DLG1: variants seen among roughly 807,000 people sequenced by gnomAD.
The protein encoded by DLG1 is disks large homolog 1.
A neutral mutation model predicts 123.4 loss-of-function variants in DLG1; 42 were observed. That is an observed-to-expected ratio of 0.34 (90% CI 0.27 to 0.44). The LOEUF (loss-of-function observed/expected upper bound fraction) is 0.44. DLG1 is among the 20% of genes least tolerant of loss of function. DLG1 has a pLI of 1.00. For synonymous variants in DLG1, 317 were observed against 356.2 expected, an observed-to-expected ratio of 0.89 and a Z score of 1.24; for missense variants, 942 against 1,082.6, an observed-to-expected ratio of 0.87 and a Z score of 1.82.
chr3:197,151,788 ATCC>A, intron 5 of DLG1, among the ~76,000 whole-genome samples: 1 of 152,156 alleles, frequency 6.6e-6, no homozygotes, highest in South Asian at 2.1e-4. Context: ...CATGCCTGTA[ATCC>A]TAGCACTGTG....
chr3:197,170,007 C>T (rs995600452), intron 5 of DLG1, among the ~76,000 whole-genome samples: 18 of 152,168 alleles, frequency 1.2e-4, no homozygotes, highest in African/African-American at 2.4e-4. Context: ...CGAGAACATG[C>T]GGTATTTGAT....
chr3:197,227,250 T>A (rs1740428073), intron 4 of DLG1, among the ~76,000 whole-genome samples: 1 of 152,088 alleles, frequency 6.6e-6, no homozygotes, highest in East Asian at 1.9e-4. Context: ...GGTGGGTGGA[T>A]CATCTGAGGG....
chr3:197,296,507 ACT>A lies in DLG1; in HGVS notation c.20-32_20-31del, dbSNP rs751423144. ...GAAGAAAAAGCAGAGCCTGATTAAA[ACT>A]CTCTATTTACAAAAAAAGTATCACA... On this transcript the variant is annotated intron_variant, in intron 2 of 24. Transcript: ENST00000667157. The A allele has an allele frequency of 1.9e-6, 3 of 1,605,082 alleles. No individual in the cohort carries two copies. In the Admixed American group the frequency reaches 5.0e-5, roughly 27 times the overall value.
intron 5 of DLG1, among the ~76,000 whole-genome samples, chr3:197,154,074 G>A (rs760717029): frequency 1.7e-4 from 26 of 151,232 alleles, no homozygotes; most frequent in Non-Finnish European, 2.8e-4. Flanking sequence ...AGGCTGAGGC[G>A]GGCAGATCAC....
intron 5 of DLG1, among the ~76,000 whole-genome samples, chr3:197,189,865 C>T (rs932553112): frequency 6.6e-6 from 1 of 152,106 alleles, no homozygotes; most frequent in African/African-American, 2.4e-5. Flanking sequence ...AAAATGCCAG[C>T]AACTGCAAGA....
At chr3:197,192,178 A>G (rs1440391389) in intron 5 of DLG1, among the ~76,000 whole-genome samples, 1 of 152,208 alleles carries the variant, frequency 6.6e-6, no homozygotes, top group Admixed American at 6.5e-5. Flanking sequence ...TCTCAGAAAA[A>G]CAAAAACAAA....
At chr3:197,191,067 T>C (rs1198579932) in intron 5 of DLG1, among the ~76,000 whole-genome samples, 1 of 151,918 alleles carries the variant, frequency 6.6e-6, no homozygotes, top group East Asian at 1.9e-4. Flanking sequence ...TAATCTTTGA[T>C]TTACACAAAA....
At chr3:197,119,817 G>C (rs1379793697) in intron 11 of DLG1, among the ~76,000 whole-genome samples, 1 of 152,144 alleles carries the variant, frequency 6.6e-6, no homozygotes, top group Non-Finnish European at 1.5e-5. Flanking sequence ...AAATTTGATT[G>C]TGAATAATAA....
chr3:197,093,597 T>G (rs1758995630), intron 14 of DLG1, among the ~76,000 whole-genome samples: 2 of 152,046 alleles, frequency 1.3e-5, no homozygotes, highest in South Asian at 4.2e-4. Context: ...TGCAGTCCTT[T>G]ATTTTTAACC....
At position 197,143,605 on chromosome 3, in the gene DLG1, C is replaced by A. The variant is rs138027376; in HGVS notation, c.538-837G>T. Among the ~76,000 whole-genome samples the A allele has an allele frequency of 9.7e-3, 1,478 of 152,298 alleles. 18 individuals carry two copies. The highest frequency in any genetic ancestry group is 0.023 in the African/African-American group (956 of 41,558). On this transcript the variant is annotated intron_variant, in intron 6 of 24. Coordinates refer to ENST00000667157, the MANE Select transcript of DLG1 (RefSeq NM_001366207.1). ...TAACATACTTCCTCTAAAACTTTCA[C>A]AACTCTCCCTTCCTAGAAATATCCA... is the stretch of plus-strand genomic sequence containing the variant.
intron 5 of DLG1, among the ~76,000 whole-genome samples, chr3:197,155,420 C>A (rs750046711): frequency 6.6e-6 from 1 of 152,066 alleles, no homozygotes; most frequent in Non-Finnish European, 1.5e-5. Flanking sequence ...TAGAACTGCC[C>A]TGAAAGATGT....
intron 5 of DLG1, among the ~76,000 whole-genome samples, chr3:197,177,962 T>C (rs1808023456): frequency 6.6e-6 from 1 of 152,180 alleles, no homozygotes; most frequent in Admixed American, 6.5e-5. Context: ...CAAGTTCGTA[T>C]GTCCCTGTCT....
chr3:197,233,164 A>C (rs1451006096), intron 4 of DLG1, among the ~76,000 whole-genome samples: 3 of 152,212 alleles, frequency 2.0e-5, no homozygotes, highest in African/African-American at 7.2e-5. Flanking sequence ...AAACAAAATT[A>C]AGAAAATAAT....
At chr3:197,180,909 T>G (rs1809931537) in intron 5 of DLG1, among the ~76,000 whole-genome samples, 1 of 152,196 alleles carries the variant, frequency 6.6e-6, no homozygotes, top group Non-Finnish European at 1.5e-5. Context: ...AAAAATTAAT[T>G]AATTCTATAA....
chr3:197,298,769 C>T (rs1579666289), upstream of DLG1: 1 of 395,264 alleles, frequency 2.5e-6, no homozygotes, highest in East Asian at 3.6e-5. Context: ...AGTTACTCTT[C>T]GTCCCTTAGT....
chr3:197,196,006 C>T (rs938837062), intron 4 of DLG1, among the ~76,000 whole-genome samples: 2 of 151,852 alleles, frequency 1.3e-5, no homozygotes, highest in East Asian at 3.9e-4. Flanking sequence ...ACAGTAGAGG[C>T]CTTTTTCTGG....
At chr3:197,064,980 C>T (rs534259971) in intron 22 of DLG1, among the ~76,000 whole-genome samples, 1 of 151,854 alleles carries the variant, frequency 6.6e-6, no homozygotes, top group African/African-American at 2.4e-5. Context: ...CCCTTATCTC[C>T]TTTTAATATA....
intron 4 of DLG1, among the ~76,000 whole-genome samples, chr3:197,265,512 A>G (rs1192473993): frequency 6.6e-6 from 1 of 152,226 alleles, no homozygotes; most frequent in African/African-American, 2.4e-5. Flanking sequence ...CACAGGTAAG[A>G]GTACCAGAAA....
rs547702573 is a variant in DLG1, at chr3:197,133,791, G to A, written c.1020+2751C>T. Among the ~76,000 whole-genome samples, 265 of 152,268 alleles carry A rather than the reference G, an allele frequency of 1.7e-3. 1 individual carries two copies. The highest frequency in any genetic ancestry group is 5.9e-3 in the African/African-American group (245 of 41,550). ...CAGAATGAAGAGTGGCTACTAAGAAGAGAAATACCAAGATAAAGGGTGACT... is the reference window on the plus strand; with the variant it reads ...CAGAATGAAGAGTGGCTACTAAGAAAAGAAATACCAAGATAAAGGGTGACT... On this transcript the variant is annotated intron_variant, in intron 10 of 24. Transcript: ENST00000667157.
Sources: gnomAD v4.1 joint callset for allele counts (sites outside exome capture counted in the v4.1 genomes callset) on GRCh38, gnomAD v4.1.1 for gene constraint, MANE v1.5 for transcripts, NCBI Gene and HGNC (gene_info 2026-07-23, HGNC 2026-07-21) for gene names.